CSMD3: variants seen among roughly 807,000 people sequenced by gnomAD.
CSMD3 encodes the protein CUB and Sushi multiple domains 3.
A neutral mutation model predicts 435.2 loss-of-function variants in CSMD3; 177 were observed. The observed-to-expected ratio is 0.41, with a 90% CI of 0.36 to 0.46. The LOEUF is 0.46. Ranked by LOEUF, CSMD3 falls within the 20% of genes least tolerant of loss-of-function variation. CSMD3 has a pLI of 0.34. For missense variants in CSMD3, 4,265 were observed against 4,504.6 expected, an observed-to-expected ratio of 0.95 and a Z score of 1.52; for synonymous variants, 1,656 against 1,520.5, an observed-to-expected ratio of 1.09 and a Z score of -2.07.
intron 4 of CSMD3, among the ~76,000 whole-genome samples, chr8:113,167,111 G>C (rs558320890): frequency 6.6e-6 from 1 of 152,128 alleles, no homozygotes; most frequent in Non-Finnish European, 1.5e-5. Flanking sequence ...ACTCTTTCCA[G>C]AGTTCTTGAC....
chr8:112,725,078 C>A (rs2076935543), intron 13 of CSMD3, among the ~76,000 whole-genome samples: 1 of 151,982 alleles, frequency 6.6e-6, no homozygotes, highest in South Asian at 2.1e-4. Context: ...ATGAATAACT[C>A]TTTTGAGCAA....
At chr8:113,211,946 G>A (rs1444833459) in intron 3 of CSMD3, among the ~76,000 whole-genome samples, 1 of 152,078 alleles carries the variant, frequency 6.6e-6, no homozygotes, top group Non-Finnish European at 1.5e-5. Context: ...TTTAAATGTT[G>A]TCTTTCTGAA....
At chr8:113,236,669 TTGGCTTCCC>T (rs933791024) in intron 3 of CSMD3, among the ~76,000 whole-genome samples, 2 of 152,094 alleles carry the variant, frequency 1.3e-5, no homozygotes, top group African/African-American at 4.8e-5. Context: ...AATTACATCA[TTGGCTTCCC>T]TGGTTCTGAG....
intron 5 of CSMD3, among the ~76,000 whole-genome samples, chr8:113,035,863 T>G (rs72683860): frequency 3.5e-4 from 53 of 152,090 alleles, no homozygotes; most frequent in Non-Finnish European, 2.5e-4. Context: ...CATATAGAAA[T>G]GTACATGCAA....
At chr8:112,396,148 GA>G (rs148557781) in intron 35 of CSMD3, among the ~76,000 whole-genome samples, 4 of 148,952 alleles carry the variant, frequency 2.7e-5, no homozygotes, top group African/African-American at 9.8e-5. Flanking sequence ...TACTGTGACA[GA>G]AAAAAAAACA....
intron 37 of CSMD3, among the ~76,000 whole-genome samples, chr8:112,383,230 T>A (rs1031590281): frequency 9.2e-5 from 14 of 152,140 alleles, no homozygotes; most frequent in African/African-American, 3.4e-4. Flanking sequence ...CAAAGCACAG[T>A]CTAATTTTTA....
At position 112,318,890 on chromosome 8, in the gene CSMD3, G is replaced by T. The variant is rs141088192; in HGVS notation, c.7307C>A (p.Thr2436Lys). The change falls in exon 47 of 71, where the codon ACG becomes AAG. Residue 2436 changes from threonine (T) to lysine (K), a missense_variant. Physicochemically the swap from Thr to Lys is moderately conservative, Grantham distance 78. Transcript: ENST00000297405. Reference protein sequence around the residue: ...GFTLVGNAILTCRLGERLQMD... With the variant: ...GFTLVGNAILKCRLGERLQMD... The stretch of plus-strand genomic sequence containing the variant: ...CTGCAGTCGTTCTCCTAATCTGCAC[G>T]TCAGAATTGCATTACCAACTAAAGT... 6.2e-7 allele frequency: 1 copy of T among 1,612,506 alleles called. No individual in the cohort carries two copies. Among genetic ancestry groups the T allele is most frequent in the Non-Finnish European group, 8.5e-7 (1 of 1,179,372 alleles).
intron 10 of CSMD3, among the ~76,000 whole-genome samples, chr8:112,872,059 G>A (rs2219486): frequency 0.8 from 121,282 of 151,944 alleles, 49,198 homozygotes; most frequent in East Asian, 0.93. Context: ...GATAATAGGA[G>A]TAGGCACTGT....
At chr8:113,314,987 T>C (rs1302842989) in intron 1 of CSMD3, among the ~76,000 whole-genome samples, 194 bp from the exon 2 acceptor site, 1 of 152,172 alleles carries the variant, frequency 6.6e-6, no homozygotes, top group Non-Finnish European at 1.5e-5. Context: ...AGAAGATTTA[T>C]CATTTATAAT....
At chr8:112,679,267 C>A (rs914226393) in intron 16 of CSMD3, among the ~76,000 whole-genome samples, 2 of 152,074 alleles carry the variant, frequency 1.3e-5, no homozygotes, top group Non-Finnish European at 2.9e-5. Flanking sequence ...TGACAGCAGT[C>A]TGCTTTGTTG....
intron 12 of CSMD3, among the ~76,000 whole-genome samples, chr8:112,809,740 T>C (rs1319188995): frequency 6.6e-6 from 1 of 152,164 alleles, no homozygotes; most frequent in Non-Finnish European, 1.5e-5. Flanking sequence ...TAGGTGGGTT[T>C]CTTTCTGACT....
At chr8:112,267,268 C>G (rs778062635) in intron 59 of CSMD3, among the ~76,000 whole-genome samples, 4 of 152,096 alleles carry the variant, frequency 2.6e-5, no homozygotes, top group Non-Finnish European at 4.4e-5. Context: ...CATTCAACCT[C>G]ATAACTTTTG....
chr8:113,322,972 C>T (rs575572435), intron 1 of CSMD3, among the ~76,000 whole-genome samples: 3 of 152,242 alleles, frequency 2.0e-5, no homozygotes, highest in East Asian at 1.9e-4. Flanking sequence ...TCTCAAACTC[C>T]TGACCTCAAG....
At position 113,173,928 on chromosome 8, in the gene CSMD3, G is replaced by A. The variant is rs1289862369; in HGVS notation, c.515-12C>T. On this transcript the variant is annotated splice_polypyrimidine_tract_variant and intron_variant, in intron 3 of 70. Transcript: ENST00000297405. ...GCTACTCTGCAATTCTATTAAAAAG[G>A]AGGAAAAGGAGAGTTTACAGTTATT... 2 of 1,593,464 alleles carry A rather than the reference G, an allele frequency of 1.3e-6. No homozygotes were observed. The highest frequency in any genetic ancestry group is 2.7e-5 in the African/African-American group (2 of 74,468).
At chr8:113,258,719 G>A (rs1448046189) in intron 3 of CSMD3, among the ~76,000 whole-genome samples, 1 of 152,174 alleles carries the variant, frequency 6.6e-6, no homozygotes, top group Non-Finnish European at 1.5e-5. Context: ...GGAATATAAC[G>A]GTTTTGAGTA....
chr8:112,483,752 G>C (rs1303438535), intron 31 of CSMD3, among the ~76,000 whole-genome samples: 1 of 152,192 alleles, frequency 6.6e-6, no homozygotes, highest in East Asian at 1.9e-4. Context: ...ACAAAGCTTA[G>C]AGGTAATAGC....
chr8:112,979,935 A>C (rs1160622667), intron 6 of CSMD3, among the ~76,000 whole-genome samples: 1 of 151,100 alleles, frequency 6.6e-6, no homozygotes, highest in Non-Finnish European at 1.5e-5. Context: ...AAAATGATTT[A>C]CATATATAAA....
chr8:112,941,831 G>C lies in CSMD3; in HGVS notation c.1508+5959C>G, dbSNP rs183650233. 2.4e-4 allele frequency among the ~76,000 whole-genome samples: 36 copies of C among 151,556 alleles called. No homozygotes were observed. The East Asian group carries it at 6.8e-3, about 29-fold the overall frequency. On this transcript the variant is annotated intron_variant, in intron 9 of 70. Coordinates refer to ENST00000297405, the MANE Select transcript of CSMD3 (RefSeq NM_198123.2). ...TTCAGGTTTATAAAATAATCACAGA[G>C]AGTACAGAGGGTTCCCAAACACTAC... is the stretch of plus-strand genomic sequence containing the variant.
intron 3 of CSMD3, among the ~76,000 whole-genome samples, chr8:113,184,445 T>C (rs960183835): frequency 6.6e-6 from 1 of 151,978 alleles, no homozygotes; most frequent in Admixed American, 6.6e-5. Context: ...ACCTTGAAGC[T>C]TTCTAGAACC....
Sources: allele counts gnomAD v4.1 joint callset (sites outside exome capture counted in the v4.1 genomes callset), GRCh38; gene constraint gnomAD v4.1.1; transcripts MANE v1.5; gene names NCBI Gene and HGNC (gene_info 2026-07-23, HGNC 2026-07-21).